TSPAN5: variants seen among roughly 807,000 people sequenced by gnomAD.
The protein encoded by TSPAN5 is tetraspanin-5.
In TSPAN5, 10 loss-of-function variants were observed where a neutral mutation model predicts 37.1. The ratio of observed to expected loss-of-function variants is 0.27; its 90% CI spans 0.17 to 0.46. TSPAN5 has a LOEUF of 0.46. Ranked by LOEUF, TSPAN5 falls within the 20% of genes least tolerant of loss-of-function variation. TSPAN5 has a pLI of 1.00. For synonymous variants in TSPAN5, 110 were observed against 118.9 expected (o/e 0.93, Z 0.48); for missense variants, 195 against 326.6 (o/e 0.60, Z 3.11).
chr4:98,645,951 G>A (rs1316224400), intron 1 of TSPAN5, among the ~76,000 whole-genome samples: 2 of 152,128 alleles, frequency 1.3e-5, no homozygotes, highest in Non-Finnish European at 2.9e-5. Flanking sequence ...AAGGGCTGGG[G>A]TTTTCAGCAT....
At chr4:98,601,062 T>C (rs1755871327) in intron 1 of TSPAN5, among the ~76,000 whole-genome samples, 1 of 152,204 alleles carries the variant, frequency 6.6e-6, no homozygotes, top group Admixed American at 6.5e-5. Flanking sequence ...GGAAAGGATC[T>C]TTTTTATAAG....
chr4:98,624,442 T>C (rs1414099703), intron 1 of TSPAN5, among the ~76,000 whole-genome samples: 3 of 152,192 alleles, frequency 2.0e-5, no homozygotes, highest in Non-Finnish European at 4.4e-5. Flanking sequence ...AAAAAATACG[T>C]ATTAACATAA....
chr4:98,606,578 T>A (rs1202113066), intron 1 of TSPAN5, among the ~76,000 whole-genome samples: 1 of 152,212 alleles, frequency 6.6e-6, no homozygotes, highest in Admixed American at 6.5e-5. Flanking sequence ...AAACATACTT[T>A]GAAGTATTTA....
chr4:98,655,896 T>C (rs1757285697), intron 1 of TSPAN5, among the ~76,000 whole-genome samples: 1 of 151,990 alleles, frequency 6.6e-6, no homozygotes, highest in African/African-American at 2.4e-5. Flanking sequence ...GAGAGCAGGA[T>C]AGGAAAGGTA....
chr4:98,552,022 T>C (rs1754630374), intron 1 of TSPAN5, among the ~76,000 whole-genome samples: 1 of 152,184 alleles, frequency 6.6e-6, no homozygotes. Flanking sequence ...TCTCTGATGA[T>C]CTTATATTTC....
chr4:98,474,646 C>T (rs1281408814), intron 7 of TSPAN5, among the ~76,000 whole-genome samples: 2 of 151,808 alleles, frequency 1.3e-5, no homozygotes, highest in Admixed American at 1.3e-4. Flanking sequence ...CTGCACCCGG[C>T]CTTATTTCTT....
chr4:98,503,047 C>A (rs140852308), intron 2 of TSPAN5, among the ~76,000 whole-genome samples: 1 of 151,550 alleles, frequency 6.6e-6, no homozygotes, highest in Non-Finnish European at 1.5e-5. Flanking sequence ...TCAAGCTGGG[C>A]GGAATGGGGA....
At chr4:98,561,980 C>T (rs1203111639) in intron 1 of TSPAN5, among the ~76,000 whole-genome samples, 1 of 152,188 alleles carries the variant, frequency 6.6e-6, no homozygotes, top group East Asian at 1.9e-4. Flanking sequence ...CATGGCAGCT[C>T]ACAGAACTGC....
chr4:98,560,881 C>T (rs1215982816), intron 1 of TSPAN5, among the ~76,000 whole-genome samples: 2 of 152,134 alleles, frequency 1.3e-5, no homozygotes, highest in Non-Finnish European at 2.9e-5. Context: ...AAGTGAGTGG[C>T]AAATGTTGCA....
At chr4:98,553,870 C>G (rs909552735) in intron 1 of TSPAN5, among the ~76,000 whole-genome samples, 2 of 152,194 alleles carry the variant, frequency 1.3e-5, no homozygotes, top group East Asian at 3.9e-4. Context: ...AGTTCGAGAC[C>G]AGCCTGGCCC....
At position 98,592,434 on chromosome 4, in the gene TSPAN5, T is replaced by TG. The variant is rs1315208528; in HGVS notation, c.81+65711_81+65712insC. 5.1e-4 allele frequency among the ~76,000 whole-genome samples: 75 copies of TG among 147,476 alleles called. 1 individual carries two copies. The highest frequency in any genetic ancestry group is 1.8e-3 in the African/African-American group (70 of 38,726). ...TAAGGGATCTCTGTTTTTTGTTTTT[T>TG]TTTTTTTTTTTTTTATTATACTCTA... On this transcript the variant is annotated intron_variant, in intron 1 of 7. Transcript: ENST00000305798.
At chr4:98,524,736 A>G (rs1753925204) in intron 1 of TSPAN5, among the ~76,000 whole-genome samples, 1 of 151,982 alleles carries the variant, frequency 6.6e-6, no homozygotes, top group African/African-American at 2.4e-5. Context: ...CTGAATTAAC[A>G]AAACTCATTT....
chr4:98,654,040 C>A (rs547881812), intron 1 of TSPAN5, among the ~76,000 whole-genome samples: 1 of 152,186 alleles, frequency 6.6e-6, no homozygotes, highest in Non-Finnish European at 1.5e-5. Context: ...GAAGAAGCCA[C>A]GTGTAGGTAG....
chr4:98,616,295 T>G (rs145697018), intron 1 of TSPAN5, among the ~76,000 whole-genome samples: 1,626 of 152,208 alleles, frequency 0.011, 12 homozygotes, highest in Non-Finnish European at 0.018. Context: ...AGAAAACTTC[T>G]GGGGCCTCAG....
chr4:98,549,312 G>GGTTT (rs1560533046), intron 1 of TSPAN5, among the ~76,000 whole-genome samples: 1 of 14,468 alleles, frequency 6.9e-5, no homozygotes, highest in Non-Finnish European at 1.2e-4. Context: ...GTTTTTTTTT[G>GGTTT]TTTTTTTTGA....
chr4:98,599,671 T>C (rs532773469), intron 1 of TSPAN5, among the ~76,000 whole-genome samples: 99 of 152,346 alleles, frequency 6.5e-4, no homozygotes, highest in African/African-American at 2.1e-3. Context: ...TTCATATGAA[T>C]GAACATTGTA....
intron 1 of TSPAN5, among the ~76,000 whole-genome samples, chr4:98,563,842 A>G (rs916614595): frequency 1.3e-5 from 2 of 152,104 alleles, no homozygotes; most frequent in Non-Finnish European, 2.9e-5. Flanking sequence ...TTGTCACCCT[A>G]TTGGGGAAGG....
chr4:98,558,378 C>T (rs78190355), intron 1 of TSPAN5, among the ~76,000 whole-genome samples: 1 of 152,150 alleles, frequency 6.6e-6, no homozygotes, highest in African/African-American at 2.4e-5. Context: ...CTCACACTGT[C>T]CCCCTGGATC....
rs960106126 is a variant in TSPAN5 at position 98,476,093 on chromosome 4, A to G, written c.741+96T>C. 8 of 879,930 alleles carry G rather than the reference A, an allele frequency of 9.1e-6. No homozygotes were observed. The African/African-American group carries it at 1.3e-4, about 15-fold the overall frequency. 54.5% of individuals were successfully genotyped at this position (879,930 alleles called of 1,614,324 possible). A position where few individuals can be genotyped will look rare whatever the true frequency, so the allele number is the denominator to read the frequency against. On this transcript the variant is annotated intron_variant, in intron 7 of 7. Coordinates refer to ENST00000305798, the MANE Select transcript of TSPAN5 (RefSeq NM_005723.4). ...AGCCCTCCAATGTGTCTTAAAAACT[A>G]TGACAATCAAGGTTTTTAAGCAAAG...
Sources: allele counts gnomAD v4.1 joint callset (sites outside exome capture counted in the v4.1 genomes callset), GRCh38; gene constraint gnomAD v4.1.1; transcripts MANE v1.5; gene names NCBI Gene and HGNC (gene_info 2026-07-23, HGNC 2026-07-21).